ACOXL: variants seen among roughly 807,000 people sequenced by gnomAD.
The protein encoded by ACOXL is acyl-coenzyme A oxidase-like protein.
In ACOXL, 70 loss-of-function variants were observed where a neutral mutation model predicts 71.9. That is an observed-to-expected ratio of 0.97 (90% CI 0.80 to 1.19). The LOEUF is 1.19. Among genes scored for constraint, ACOXL ranks in the 50% most tolerant of loss-of-function variants. The probability of loss-of-function intolerance (pLI) is 0.00; values close to 1 mark genes in which losing one functional copy is unlikely to be tolerated. For missense variants in ACOXL, 703 were observed against 736.3 expected (o/e 0.95, Z 0.52); for synonymous variants, 253 against 281.6 (o/e 0.90, Z 1.02).
At chr2:110,790,899 G>A (rs796254315) in intron 3 of ACOXL, among the ~76,000 whole-genome samples, 65 of 152,286 alleles carry the variant, frequency 4.3e-4, no homozygotes, top group African/African-American at 1.5e-3. Context: ...CACACACCCA[G>A]GTGTCTCTCA....
In ACOXL at chr2:111,118,100, G is replaced by A. The variant is rs756728642; in HGVS notation, c.*284G>A. 7.8e-5 allele frequency: 42 copies of A among 536,214 alleles called. No individual in the cohort carries two copies. Among genetic ancestry groups the A allele is most frequent in the Non-Finnish European group, 1.3e-4 (39 of 301,448 alleles). 33.2% of individuals were successfully genotyped at this position (536,214 alleles called of 1,614,324 possible). ...CCCAACTTCAGTGCCGGATCCCCTA[G>A]ACAATCAGGGTGGGCTCCCCGCTGC... On this transcript the variant is annotated 3_prime_UTR_variant, in exon 18 of 18. Transcript: ENST00000439055.
intron 14 of ACOXL, among the ~76,000 whole-genome samples, chr2:111,001,916 G>A (rs549621820): frequency 2.6e-5 from 4 of 152,292 alleles, no homozygotes; most frequent in African/African-American, 9.6e-5. Flanking sequence ...GGCTATGATG[G>A]CCAAGCTCCA....
chr2:110,895,469 A>G (rs2058970609), intron 10 of ACOXL, among the ~76,000 whole-genome samples: 1 of 152,172 alleles, frequency 6.6e-6, no homozygotes, highest in South Asian at 2.1e-4. Context: ...TTCAAGTCTC[A>G]GAAAAAAGAA....
chr2:111,103,954 G>A (rs929535028), intron 17 of ACOXL, among the ~76,000 whole-genome samples: 2 of 152,088 alleles, frequency 1.3e-5, no homozygotes, highest in African/African-American at 4.8e-5. Flanking sequence ...GTCACCACTT[G>A]TGGCTCCTAT....
In ACOXL at chr2:110,768,492, T is replaced by TTGTGTGTGTGTGTGTGTG. The variant is rs57292148; in HGVS notation, c.75+33_75+50dup. On this transcript the variant is annotated intron_variant, in intron 2 of 17. Coordinates refer to ENST00000439055, the MANE Select transcript of ACOXL (RefSeq NM_001142807.4). ...AAGTGTCATTATTATTCTGGTATGG[T>TTGTGTGTGTGTGTGTGTG]TGTGTGTGTGTGTGTGTGTGTGAGA... 4.4e-4 allele frequency: 569 copies of TTGTGTGTGTGTGTGTGTG among 1,280,324 alleles called. 11 individuals are homozygous for TTGTGTGTGTGTGTGTGTG. The African/African-American group carries it at 8.6e-3, about 19-fold the overall frequency. The allele number at this position is 1,280,324 out of a possible 1,614,324, so 79.3% of individuals were successfully genotyped here.
chr2:111,086,965 CA>C (rs1187003394), intron 16 of ACOXL, among the ~76,000 whole-genome samples: 2 of 152,142 alleles, frequency 1.3e-5, no homozygotes, highest in African/African-American at 2.4e-5. Flanking sequence ...TTTCAGGATA[CA>C]AAATCAACAT....
chr2:110,874,216 G>A (rs966589116), intron 10 of ACOXL, among the ~76,000 whole-genome samples: 7 of 152,204 alleles, frequency 4.6e-5, no homozygotes, highest in Non-Finnish European at 7.3e-5. Flanking sequence ...GCTTTTGGGG[G>A]GGTGGTGAGG....
intron 17 of ACOXL, chr2:111,114,262 C>T (rs748818287): frequency 2.6e-5 from 4 of 152,698 alleles, no homozygotes; most frequent in Non-Finnish European, 4.4e-5. Flanking sequence ...TCCATCTCTA[C>T]GTGGCCTTTT....
At chr2:110,785,679 C>T (rs1683875871) in intron 3 of ACOXL, among the ~76,000 whole-genome samples, 2 of 152,144 alleles carry the variant, frequency 1.3e-5, no homozygotes, top group Admixed American at 1.3e-4. Flanking sequence ...CATCCACTTT[C>T]TCATGTTGTT....
intron 9 of ACOXL, among the ~76,000 whole-genome samples, chr2:110,819,094 G>A (rs956472748): frequency 2.0e-5 from 3 of 152,180 alleles, no homozygotes; most frequent in African/African-American, 7.2e-5. Context: ...TTGACATGAT[G>A]CCACGCTAAG....
chr2:110,993,694 C>T (rs1206442211), intron 13 of ACOXL, among the ~76,000 whole-genome samples: 1 of 152,110 alleles, frequency 6.6e-6, no homozygotes, highest in African/African-American at 2.4e-5. Flanking sequence ...TTATTTTTAT[C>T]AGAAACTGTG....
chr2:110,776,375 T>G (rs1171568288), intron 2 of ACOXL, among the ~76,000 whole-genome samples: 1 of 152,186 alleles, frequency 6.6e-6, no homozygotes, highest in Non-Finnish European at 1.5e-5. Context: ...TGAATATACT[T>G]AGTGCCAGAG....
In ACOXL at chr2:110,794,321, T is replaced by C; in HGVS notation, c.345+147T>C. The C allele has an allele frequency of 4.1e-6, 3 of 737,526 alleles. 1 individual carries two copies. The Middle Eastern group carries it at 1.1e-3, about 264-fold the overall frequency. The allele number at this position is 737,526 out of a possible 1,614,324, so 45.7% of individuals were successfully genotyped here. A position where few individuals can be genotyped will look rare whatever the true frequency, so the allele number is the denominator to read the frequency against. On this transcript the variant is annotated intron_variant, in intron 5 of 17. Coordinates refer to ENST00000439055, the MANE Select transcript of ACOXL (RefSeq NM_001142807.4). The stretch of plus-strand genomic sequence containing the variant: ...GATTCAGATCAAATGCCTAAGTGTT[T>C]TAATAGAGGTGGATATGTGCTCAGC...
intron 14 of ACOXL, among the ~76,000 whole-genome samples, chr2:111,018,536 C>T (rs2064575703): frequency 6.6e-6 from 1 of 152,136 alleles, no homozygotes; most frequent in Non-Finnish European, 1.5e-5. Flanking sequence ...CTGTGTGAGG[C>T]TGTGGACCTT....
At chr2:111,043,327 G>C (rs571795738) in intron 15 of ACOXL, among the ~76,000 whole-genome samples, 71 of 152,332 alleles carry the variant, frequency 4.7e-4, no homozygotes, top group East Asian at 1.9e-4. Context: ...TCAACCCTCC[G>C]TGTTGATTCT....
chr2:110,863,376 T>A (rs932078), intron 10 of ACOXL, among the ~76,000 whole-genome samples: 46,034 of 152,146 alleles, frequency 0.3, 7,336 homozygotes, highest in Non-Finnish European at 0.35. Context: ...TTCCAAAATA[T>A]GAAGGCAATA....
At chr2:110,797,747 C>G (rs973302226) in intron 5 of ACOXL, among the ~76,000 whole-genome samples, 4 of 152,150 alleles carry the variant, frequency 2.6e-5, no homozygotes, top group Non-Finnish European at 4.4e-5. Context: ...TCTAAGGGCC[C>G]AGATCGTTGG....
intron 14 of ACOXL, among the ~76,000 whole-genome samples, chr2:110,998,208 GT>G (rs1246643794): frequency 6.6e-6 from 1 of 152,160 alleles, no homozygotes; most frequent in Non-Finnish European, 1.5e-5. Flanking sequence ...TAATTACAGG[GT>G]AAGCAAAAGA....
chr2:111,014,793 C>G (rs1419241843), intron 14 of ACOXL, among the ~76,000 whole-genome samples: 1 of 152,196 alleles, frequency 6.6e-6, no homozygotes, highest in African/African-American at 2.4e-5. Context: ...CAATGGAACA[C>G]TACAGAGTCC....
Sources: gnomAD v4.1 joint callset for allele counts (sites outside exome capture counted in the v4.1 genomes callset) on GRCh38, gnomAD v4.1.1 for gene constraint, MANE v1.5 for transcripts, NCBI Gene and HGNC (gene_info 2026-07-23, HGNC 2026-07-21) for gene names.